The following SFMBT2 variants were observed in gnomAD, a reference collection of about 807,000 sequenced individuals.
SFMBT2 encodes Scm like with four mbt domains 2.
A neutral mutation model predicts 110.1 loss-of-function variants in SFMBT2; 38 were observed. That is an observed-to-expected ratio of 0.35 (90% CI 0.27 to 0.45). SFMBT2 has a LOEUF of 0.45. Among genes scored for constraint, SFMBT2 ranks in the 20% least tolerant of loss-of-function variants. SFMBT2 has a pLI of 1.00. For missense variants in SFMBT2, 1,011 were observed against 1,094.9 expected, an observed-to-expected ratio of 0.92 and a Z score of 1.08; for synonymous variants, 425 against 425.4, an observed-to-expected ratio of 1.00 and a Z score of 0.01.
rs112141961 is a variant in SFMBT2, at chr10:7,353,408, A to C, written c.436+14241T>G. ...GCAAATATATTACCAAAGGAATCCA[A>C]TGACGGAAACAGAAACTCAGCAAAT... On this transcript the variant is annotated intron_variant, in intron 4 of 20. Transcript: ENST00000397167. Among the ~76,000 whole-genome samples, 1,000 of 152,220 alleles carry C rather than the reference A, an allele frequency of 6.6e-3. 14 individuals are homozygous for C. The highest frequency in any genetic ancestry group is 0.022 in the African/African-American group (895 of 41,528).
chr10:7,358,752 T>G (rs957047228), intron 4 of SFMBT2, among the ~76,000 whole-genome samples: 29 of 137,826 alleles, frequency 2.1e-4, no homozygotes, highest in African/African-American at 8.2e-4. Flanking sequence ...CCCTGAGACA[T>G]CAGCATGGCC....
At chr10:7,303,384 G>A (rs894491055) in intron 4 of SFMBT2, among the ~76,000 whole-genome samples, 1 of 152,184 alleles carries the variant, frequency 6.6e-6, no homozygotes, top group Non-Finnish European at 1.5e-5. Context: ...ATCAATTTAT[G>A]TAGAGCAAAC....
At chr10:7,175,905 A>G (rs1256450756) in intron 17 of SFMBT2, 85 bp downstream of exon 17, 13 of 1,290,744 alleles carry the variant, frequency 1.0e-5, no homozygotes, top group East Asian at 2.3e-5. Flanking sequence ...AAAAGAAAAA[A>G]GCAAATGAAA....
intron 4 of SFMBT2, among the ~76,000 whole-genome samples, chr10:7,346,440 T>C (rs1844113839): frequency 1.3e-5 from 2 of 152,172 alleles, no homozygotes; most frequent in Non-Finnish European, 2.9e-5. Flanking sequence ...GAACCGTCTC[T>C]TACAAATGTT....
At chr10:7,202,245 A>G (rs2147289) in intron 13 of SFMBT2, 121,888 of 250,422 alleles carry the variant, frequency 0.49, 30,714 homozygotes, top group East Asian at 0.85. Context: ...GTATGTCGAA[A>G]TGGAATAAAA....
intron 9 of SFMBT2, chr10:7,228,404 G>C (rs568631297): frequency 1.2e-6 from 1 of 815,450 alleles, no homozygotes; most frequent in African/African-American, 1.8e-5. Flanking sequence ...AACAGTACCA[G>C]GGACGACTTT....
chr10:7,230,832 C>T (rs903851669), intron 9 of SFMBT2, among the ~76,000 whole-genome samples: 1 of 152,204 alleles, frequency 6.6e-6, no homozygotes, highest in Non-Finnish European at 1.5e-5. Context: ...ACTCAGGAGG[C>T]TGAGGCAGGA....
chr10:7,324,636 T>C (rs1211369158), intron 4 of SFMBT2, among the ~76,000 whole-genome samples: 1 of 152,186 alleles, frequency 6.6e-6, no homozygotes, highest in Non-Finnish European at 1.5e-5. Flanking sequence ...AAACTTGTAT[T>C]AGTTTGCTTG....
At position 7,381,801 on chromosome 10, in the gene SFMBT2, G is replaced by A; in HGVS notation, c.98C>T (p.Ser33Phe). ...GAATCTCGAAAACAAAATCCTACCA[G>A]AATCAAGGTCTCCATTTCCATTAGC... The part of the protein sequence containing the change: ...GSANGNGDLD[S>F]EEGSSLEETG... The change falls in exon 2 of 21, where the codon TCT (serine) becomes TTT (phenylalanine). Residue 33 changes from serine (S) to phenylalanine (F), a missense_variant and splice_region_variant. By Grantham distance (155) the Ser-to-Phe change is radical. Transcript: ENST00000397167. The A allele has an allele frequency of 6.2e-7, 1 of 1,612,688 alleles. No individual in the cohort carries two copies. Among genetic ancestry groups the A allele is most frequent in the African/African-American group, 1.3e-5 (1 of 74,914 alleles).
chr10:7,208,281 C>T (rs1839216431), intron 11 of SFMBT2, among the ~76,000 whole-genome samples: 1 of 152,106 alleles, frequency 6.6e-6, no homozygotes. Flanking sequence ...CTCCGCAGAC[C>T]CAAAGAGCAT....
intron 1 of SFMBT2, among the ~76,000 whole-genome samples, chr10:7,393,339 T>C (rs1373013382): frequency 6.6e-6 from 1 of 152,034 alleles, no homozygotes; most frequent in Admixed American, 6.6e-5. Context: ...CCTCATATAT[T>C]ATATTCTTAC....
chr10:7,314,319 C>T (rs1175078790), intron 4 of SFMBT2, among the ~76,000 whole-genome samples: 1 of 152,214 alleles, frequency 6.6e-6, no homozygotes, highest in Non-Finnish European at 1.5e-5. Flanking sequence ...AATCTGCTAA[C>T]TTATTTACAA....
intron 16 of SFMBT2, among the ~76,000 whole-genome samples, chr10:7,177,561 C>T (rs2762620): frequency 0.96 from 146,351 of 152,258 alleles, 70,588 homozygotes; most frequent in East Asian, 1. Flanking sequence ...ATAGGAGTGG[C>T]GGCCTTGTAA....
rs781140525 is a variant in SFMBT2 at position 7,293,050 on chromosome 10, C to T, written c.437-7096G>A. 1.2e-4 allele frequency among the ~76,000 whole-genome samples: 19 copies of T among 152,132 alleles called. No homozygotes were observed. The highest frequency in any genetic ancestry group is 2.6e-4 in the Non-Finnish European group (18 of 68,006). On this transcript the variant is annotated intron_variant, in intron 4 of 20. Coordinates refer to ENST00000397167, the MANE Select transcript of SFMBT2 (RefSeq NM_001387889.1). This position sits in a 1 kb window ranked among gnomAD's most constrained non-coding sequence, Gnocchi z 4.6. ...GAATTGTTGGAAGCAAATGACACAG[C>T]CCTATCACAGTGATGACATTAGGGT...
chr10:7,390,517 C>A (rs1321774831), intron 1 of SFMBT2, among the ~76,000 whole-genome samples: 1 of 152,080 alleles, frequency 6.6e-6, no homozygotes, highest in South Asian at 2.1e-4. Flanking sequence ...GAAACTATTA[C>A]GTGTGTCATA....
intron 4 of SFMBT2, among the ~76,000 whole-genome samples, chr10:7,340,715 G>A (rs1054709206): frequency 2.0e-5 from 3 of 150,282 alleles, no homozygotes; most frequent in Admixed American, 1.3e-4. Context: ...ACTAGATGAG[G>A]TGTCACGTCC....
chr10:7,180,295 A>ACT, intron 16 of SFMBT2, among the ~76,000 whole-genome samples: 1 of 143,776 alleles, frequency 7.0e-6, no homozygotes, highest in Non-Finnish European at 1.5e-5. Context: ...TATAGTGGTA[A>ACT]TTTTTTTTTT....
chr10:7,285,510 G>T, intron 5 of SFMBT2: 1 of 182,678 alleles, frequency 5.5e-6, no homozygotes, highest in Non-Finnish European at 1.2e-5. Context: ...ACATGATCTT[G>T]TCACCTGTTC....
At position 7,221,660 on chromosome 10, in the gene SFMBT2, C is replaced by T. The variant is rs1009178248; in HGVS notation, c.1204-1123G>A. Reference sequence around the variant, plus strand: ...TTTTATTTGAAACTATCTTTATTTTCCCTTGTTCTTTTTGTTTATTGCTAT... The same window carrying T: ...TTTTATTTGAAACTATCTTTATTTTTCCTTGTTCTTTTTGTTTATTGCTAT... On this transcript the variant is annotated intron_variant, in intron 10 of 20. Coordinates refer to ENST00000397167, the MANE Select transcript of SFMBT2 (RefSeq NM_001387889.1). 2.7e-5 allele frequency among the ~76,000 whole-genome samples: 4 copies of T among 149,902 alleles called. 1 individual carries two copies. In the South Asian group the frequency reaches 8.4e-4, roughly 32 times the overall value.
Sources: gnomAD v4.1 joint callset for allele counts (sites outside exome capture counted in the v4.1 genomes callset) on GRCh38, gnomAD v4.1.1 for gene constraint, Gnocchi (gnomAD v3.1) non-coding constraint, MANE v1.5 for transcripts, NCBI Gene and HGNC (gene_info 2026-07-23, HGNC 2026-07-21) for gene names.